Variants in MAPK10 observed in about 807,000 individuals in gnomAD.
MAPK10 encodes the protein JNK3 alpha protein kinase.
Under a neutral mutation model 59.3 loss-of-function variants are expected in MAPK10, and 25 were observed. That is an observed-to-expected ratio of 0.42 (90% CI 0.31 to 0.59). The LOEUF (loss-of-function observed/expected upper bound fraction) is 0.59, where lower values mean the gene tolerates loss of function less well. Ranked by LOEUF, MAPK10 falls within the 20% of genes least tolerant of loss-of-function variation. The pLI is 0.15. For synonymous variants in MAPK10, 190 were observed against 200.5 expected, an observed-to-expected ratio of 0.95 and a Z score of 0.44; for missense variants, 351 against 568.9, an observed-to-expected ratio of 0.62 and a Z score of 3.90.
chr4:86,380,204 A>G (rs536508560), intron 1 of MAPK10, among the ~76,000 whole-genome samples: 33 of 152,214 alleles, frequency 2.2e-4, no homozygotes, highest in Admixed American at 4.6e-4. Context: ...CCTGGGTGAC[A>G]AGAGTGAAAC....
At chr4:86,195,666 C>T (rs1470149249) in intron 2 of MAPK10, among the ~76,000 whole-genome samples, 3 of 152,136 alleles carry the variant, frequency 2.0e-5, no homozygotes, top group Admixed American at 6.5e-5. Context: ...TGGTTTGCTG[C>T]ACCCATCAAC....
At chr4:86,506,658 GCA>G (rs1157506848) in intron 1 of MAPK10, among the ~76,000 whole-genome samples, 1 of 152,132 alleles carries the variant, frequency 6.6e-6, no homozygotes, top group East Asian at 1.9e-4. Context: ...AGGGAAGGCA[GCA>G]CACAAAGTGT....
chr4:86,188,678 C>T (rs930588006), intron 3 of MAPK10, among the ~76,000 whole-genome samples: 2 of 151,950 alleles, frequency 1.3e-5, no homozygotes, highest in Non-Finnish European at 2.9e-5. Context: ...AAAAATGTTC[C>T]CCCATTCTGT....
intron 3 of MAPK10, among the ~76,000 whole-genome samples, chr4:86,168,946 G>T (rs1233576491): frequency 6.6e-6 from 1 of 152,150 alleles, no homozygotes; most frequent in Admixed American, 6.5e-5. Flanking sequence ...TGCTACCCAG[G>T]CAAACAGGGT....
At chr4:86,061,755 C>A (rs975934613) in intron 11 of MAPK10, among the ~76,000 whole-genome samples, 12 of 152,114 alleles carry the variant, frequency 7.9e-5, no homozygotes, top group Admixed American at 6.5e-4. Context: ...TTTCTTCTCT[C>A]TCATCTTTGA....
chr4:86,258,657 T>C (rs1342904838), intron 2 of MAPK10, among the ~76,000 whole-genome samples: 1 of 152,184 alleles, frequency 6.6e-6, no homozygotes, highest in Non-Finnish European at 1.5e-5. Context: ...TGTCTCAGTG[T>C]TGACTCCGAA....
At chr4:86,113,556 G>A (rs1232338019) in intron 4 of MAPK10, among the ~76,000 whole-genome samples, 1 of 152,172 alleles carries the variant, frequency 6.6e-6, no homozygotes, top group Non-Finnish European at 1.5e-5. Context: ...AATCTCTTCA[G>A]ACTTGTAGGG....
At chr4:86,096,172 G>T (rs1438712818) in intron 9 of MAPK10, among the ~76,000 whole-genome samples, 1 of 151,380 alleles carries the variant, frequency 6.6e-6, no homozygotes, top group African/African-American at 2.4e-5. Context: ...CTGTATTAGA[G>T]ATTATTTAAA....
intron 9 of MAPK10, among the ~76,000 whole-genome samples, chr4:86,071,848 T>A (rs2048066478): frequency 1.3e-5 from 2 of 148,792 alleles, no homozygotes; most frequent in Admixed American, 1.3e-4. Flanking sequence ...TTTGTTCTTT[T>A]GGCTTAGGAT....
At chr4:86,334,023 A>G (rs1277156120) in intron 2 of MAPK10, among the ~76,000 whole-genome samples, 1 of 152,152 alleles carries the variant, frequency 6.6e-6, no homozygotes, top group Non-Finnish European at 1.5e-5. Context: ...AGGACTCACC[A>G]TAACCTCCAG....
intron 2 of MAPK10, among the ~76,000 whole-genome samples, chr4:86,221,042 A>C (rs2089412585): frequency 6.6e-6 from 1 of 152,228 alleles, no homozygotes; most frequent in South Asian, 2.1e-4. Context: ...CACTTAGGCT[A>C]GTCCACTGAG....
chr4:86,044,658 C>T (rs2042184424), intron 11 of MAPK10: 1 of 396,960 alleles, frequency 2.5e-6, no homozygotes, highest in South Asian at 1.3e-4. Flanking sequence ...GAATTGTAAT[C>T]AAAGTGGACA....
chr4:86,245,217 T>G (rs1046468351), intron 2 of MAPK10, among the ~76,000 whole-genome samples: 1 of 152,170 alleles, frequency 6.6e-6, no homozygotes, highest in African/African-American at 2.4e-5. Context: ...AGACAGCTTA[T>G]ATTCGAGTGC....
At chr4:86,148,371 C>A (rs1262891588) in intron 4 of MAPK10, among the ~76,000 whole-genome samples, 1 of 152,138 alleles carries the variant, frequency 6.6e-6, no homozygotes, top group Non-Finnish European at 1.5e-5. Context: ...ATACCCGAAG[C>A]ATAAAAGTGG....
chr4:86,151,959 T>C (rs2066583342), intron 4 of MAPK10: 1 of 152,236 alleles, frequency 6.6e-6, no homozygotes, highest in African/African-American at 2.4e-5. Context: ...ACTTCAAATC[T>C]AAAGTTCATT....
intron 2 of MAPK10, among the ~76,000 whole-genome samples, chr4:86,209,268 T>G (rs556498632): frequency 1.3e-5 from 2 of 152,216 alleles, no homozygotes; most frequent in South Asian, 4.1e-4. Flanking sequence ...AAAGCAATGT[T>G]TAAGAAGCAC....
intron 1 of MAPK10, among the ~76,000 whole-genome samples, chr4:86,463,750 A>G (rs1751954893): frequency 6.6e-6 from 1 of 152,204 alleles, no homozygotes; most frequent in Non-Finnish European, 1.5e-5. Context: ...CTATGCCATG[A>G]GTAATCTATT....
At chr4:86,249,301 A>C (rs552023897) in intron 2 of MAPK10, among the ~76,000 whole-genome samples, 1 of 152,286 alleles carries the variant, frequency 6.6e-6, no homozygotes, top group East Asian at 1.9e-4. Flanking sequence ...TTAGTGGCTC[A>C]GTTATGTAAG....
chr4:86,412,170 G>T (rs947105971), intron 1 of MAPK10, among the ~76,000 whole-genome samples: 3 of 152,122 alleles, frequency 2.0e-5, no homozygotes, highest in Non-Finnish European at 2.9e-5. Flanking sequence ...GCTTAGTTTG[G>T]CTGGATATGA....
Sources: gnomAD v4.1 joint callset for allele counts (sites outside exome capture counted in the v4.1 genomes callset) on GRCh38, gnomAD v4.1.1 for gene constraint, MANE v1.5 for transcripts, NCBI Gene and HGNC (gene_info 2026-07-23, HGNC 2026-07-21) for gene names.